Variants in CENPC observed in about 807,000 individuals in gnomAD.
CENPC encodes the protein centromere protein C, also known as CENP-C 1.
In CENPC, 63 loss-of-function variants were observed where a neutral mutation model predicts 112.1. That is an observed-to-expected ratio of 0.56 (90% CI 0.46 to 0.69). The LOEUF is 0.69. Among genes scored for constraint, CENPC ranks in the 30% least tolerant of loss-of-function variants. The probability of loss-of-function intolerance (pLI) is 0.00; values close to 1 mark genes in which losing one functional copy is unlikely to be tolerated. For synonymous variants in CENPC, 333 were observed against 367.6 expected, an observed-to-expected ratio of 0.91 and a Z score of 1.08; for missense variants, 1,000 against 1,103.8, an observed-to-expected ratio of 0.91 and a Z score of 1.33.
At chr4:67,496,666 C>A (rs1725439945) in intron 12 of CENPC, among the ~76,000 whole-genome samples, 1 of 152,110 alleles carries the variant, frequency 6.6e-6, no homozygotes, top group Non-Finnish European at 1.5e-5. Flanking sequence ...CAGAAACAGG[C>A]AAATCTCTAG....
chr4:67,491,448 T>TATATATATAA (rs1725257471), intron 16 of CENPC, among the ~76,000 whole-genome samples: 1 of 30,188 alleles, frequency 3.3e-5, no homozygotes, highest in African/African-American at 1.1e-4. Context: ...AAATATTTCA[T>TATATATATAA]ATATATATAT....
At chr4:67,486,436 A>C (rs1207064736) in intron 17 of CENPC, among the ~76,000 whole-genome samples, 1 of 152,228 alleles carries the variant, frequency 6.6e-6, no homozygotes, top group Admixed American at 6.5e-5. Flanking sequence ...CAAATTTCCA[A>C]TCATCAGTTA....
intron 5 of CENPC, among the ~76,000 whole-genome samples, chr4:67,520,946 C>T (rs1046255767): frequency 2.0e-5 from 3 of 151,796 alleles, no homozygotes; most frequent in Non-Finnish European, 2.9e-5. Context: ...CAGGAGGCGG[C>T]GGTTGCACTG....
Position 67,518,410 on chromosome 4 carries a change from G to A in CENPC, c.618-42C>T, listed in dbSNP as rs190946402. ...AGGGTAAGCTGAATGCTCCCGTAACGTTTCTTGAGTTATAAGTCTTCCTGA... is the reference window on the plus strand; with the variant it reads ...AGGGTAAGCTGAATGCTCCCGTAACATTTCTTGAGTTATAAGTCTTCCTGA... On this transcript the variant is annotated intron_variant, in intron 6 of 18. Coordinates refer to ENST00000273853, the MANE Select transcript of CENPC (RefSeq NM_001812.4). The A allele has an allele frequency of 1.3e-3, 1,901 of 1,461,628 alleles. 29 individuals carry two copies. The South Asian group carries it at 0.017, about 13-fold the overall frequency. The allele number at this position is 1,461,628 out of a possible 1,614,324, so 90.5% of individuals were successfully genotyped here. A position where few individuals can be genotyped will look rare whatever the true frequency, so the allele number is the denominator to read the frequency against.
Position 67,512,394 on chromosome 4 carries a change from A to C in CENPC, c.1612+8T>G, listed in dbSNP as rs770461640. The C allele has an allele frequency of 1.3e-6, 2 of 1,563,076 alleles. No homozygotes were observed. The highest frequency in any genetic ancestry group is 2.4e-5 in the South Asian group (2 of 82,564). On this transcript the variant is annotated splice_region_variant and intron_variant, in intron 9 of 18. Transcript: ENST00000273853. ...ATGAACAAACACAATTTAAATAAAA[A>C]TACTTACTCTCCTCTGATTTTACCA...
At chr4:67,480,051 G>A (rs772427530) in intron 17 of CENPC, among the ~76,000 whole-genome samples, 4 of 152,342 alleles carry the variant, frequency 2.6e-5, no homozygotes, top group Middle Eastern at 3.4e-3. Flanking sequence ...CGGGTATAGT[G>A]GCTGATGCCT....
intron 4 of CENPC, among the ~76,000 whole-genome samples, chr4:67,537,344 T>C (rs1175775935): frequency 2.0e-5 from 3 of 152,178 alleles, no homozygotes; most frequent in Admixed American, 6.5e-5. Context: ...TGTATTTTAA[T>C]GTATTATGTT....
chr4:67,535,234 C>T (rs1390225982), intron 4 of CENPC, among the ~76,000 whole-genome samples: 1 of 151,608 alleles, frequency 6.6e-6, no homozygotes, highest in East Asian at 1.9e-4. Context: ...AAGGTAAAAC[C>T]ATGGTATTTT....
chr4:67,519,409 T>C lies in CENPC; in HGVS notation c.425A>G (p.Asn142Ser), dbSNP rs759716890. The change falls in exon 6 of 19, where the codon AAT becomes AGT. Residue 142 changes from asparagine (N) to serine (S), a missense_variant. By Grantham distance (46) the Asn-to-Ser change is conservative (BLOSUM62 1). Transcript: ENST00000273853. ...TTCATCAGCTTCACTGTGATGATCA[T>C]TTATGTTTCTACTTGATATTTTTTT... is the stretch of plus-strand genomic sequence containing the variant. ...DSKKISSRNI[N>S]DHHSEADEEF... 6.2e-7 allele frequency: 1 copy of C among 1,612,692 alleles called. No individual in the cohort carries two copies. Among genetic ancestry groups the C allele is most frequent in the Non-Finnish European group, 8.5e-7 (1 of 1,179,116 alleles).
intron 4 of CENPC, among the ~76,000 whole-genome samples, chr4:67,531,627 C>A (rs1726552635): frequency 6.6e-6 from 1 of 152,116 alleles, no homozygotes; most frequent in South Asian, 2.1e-4. Flanking sequence ...TGGGACCAAC[C>A]CCCAGTGAAA....
At chr4:67,480,537 A>C (rs748182866) in intron 17 of CENPC, among the ~76,000 whole-genome samples, 2 of 152,214 alleles carry the variant, frequency 1.3e-5, no homozygotes, top group Non-Finnish European at 2.9e-5. Flanking sequence ...CAACAACAAA[A>C]AAGTCCAGGA....
chr4:67,521,142 A>G (rs959516422), intron 5 of CENPC, among the ~76,000 whole-genome samples: 2 of 151,622 alleles, frequency 1.3e-5, no homozygotes, highest in African/African-American at 4.8e-5. Flanking sequence ...ATCCCCTAAC[A>G]TAAGTAACCA....
At chr4:67,477,832 G>A (rs566469077) in intron 17 of CENPC, among the ~76,000 whole-genome samples, 5 of 152,006 alleles carry the variant, frequency 3.3e-5, no homozygotes, top group African/African-American at 9.6e-5. Flanking sequence ...AAAAAATCTC[G>A]AGAGAAATAG....
intron 5 of CENPC, among the ~76,000 whole-genome samples, chr4:67,527,236 T>TA (rs1726407867): frequency 6.6e-6 from 1 of 152,086 alleles, no homozygotes; most frequent in Admixed American, 6.5e-5. Flanking sequence ...CAAGGCTGGT[T>TA]AAACATTCAA....
chr4:67,495,347 T>G (rs1348333709), intron 12 of CENPC, 135 bp from the exon 13 acceptor site: 6 of 775,132 alleles, frequency 7.7e-6, no homozygotes, highest in African/African-American at 1.8e-5. Flanking sequence ...TTACTCCTTT[T>G]GCTTTTCATT....
At chr4:67,511,479 G>GA (rs762377717) in intron 9 of CENPC, among the ~76,000 whole-genome samples, 3 of 152,094 alleles carry the variant, frequency 2.0e-5, no homozygotes, top group Non-Finnish European at 4.4e-5. Flanking sequence ...ATATTGTGCA[G>GA]AAAAAAGTTA....
intron 17 of CENPC, among the ~76,000 whole-genome samples, chr4:67,483,359 GA>G (rs60562461): frequency 0.63 from 94,448 of 149,756 alleles, 29,739 homozygotes; most frequent in East Asian, 0.81. Context: ...CTCAATGAAA[GA>G]AAAAAAAAAA....
Position 67,474,919 on chromosome 4 carries a change from T to A in CENPC, c.2730A>T (p.Leu910Phe). 2 of 1,582,918 alleles carry A rather than the reference T, an allele frequency of 1.3e-6. No individual in the cohort carries two copies. Among genetic ancestry groups the A allele is most frequent in the Non-Finnish European group, 1.7e-6 (2 of 1,160,170 alleles). ...GAACATAGAACGAATCCCCAGTACT[T>A]AATATATAAGGTGTTTCATGTAAAG... ...LCTLHETPYI[L>F]STGDSFYVPS... Residue 910 changes from leucine to phenylalanine, a missense_variant, in exon 18 of 19, where the codon TTA becomes TTT. Coordinates refer to ENST00000273853, the MANE Select transcript of CENPC (RefSeq NM_001812.4).
At chr4:67,513,161 A>G (rs1725944482) in intron 8 of CENPC, among the ~76,000 whole-genome samples, 1 of 152,126 alleles carries the variant, frequency 6.6e-6, no homozygotes, top group Admixed American at 6.6e-5. Flanking sequence ...TAGTTTCAAG[A>G]GGGTGGAAAA....
Sources: allele counts gnomAD v4.1 joint callset (sites outside exome capture counted in the v4.1 genomes callset), GRCh38; gene constraint gnomAD v4.1.1; transcripts MANE v1.5; gene names NCBI Gene and HGNC (gene_info 2026-07-23, HGNC 2026-07-21).